Variants in GPHN observed in about 807,000 individuals in gnomAD.
GPHN encodes the protein gephyrin.
A neutral mutation model predicts 95.5 loss-of-function variants in GPHN; 17 were observed. The ratio of observed to expected loss-of-function variants is 0.18; its 90% CI spans 0.12 to 0.27. The LOEUF is 0.27. Among genes scored for constraint, GPHN ranks in the 10% least tolerant of loss-of-function variants. GPHN has a pLI of 1.00. For synonymous variants in GPHN, 320 were observed against 322.5 expected (o/e 0.99, Z 0.08); for missense variants, 660 against 978.1 (o/e 0.67, Z 4.34).
the GPHN span, chr14:67,585,905 G>A: frequency 1.3e-6 from 2 of 1,576,654 alleles, no homozygotes; most frequent in East Asian, 2.2e-5. Flanking sequence ...CTAGCTCAGG[G>A]GACAGGTGGA....
At chr14:67,578,896 C>T in the GPHN span, among the ~76,000 whole-genome samples, 6 of 152,328 alleles carry the variant, frequency 3.9e-5, no homozygotes, top group South Asian at 1.2e-3. This position sits in a 1 kb window ranked among gnomAD's most constrained non-coding sequence, Gnocchi z 5.0. Flanking sequence ...CAAACTGTCC[C>T]CAAGTGCTAT....
intron 1 of GPHN, among the ~76,000 whole-genome samples, chr14:66,659,491 A>T (rs10150996): frequency 0.33 from 49,860 of 151,742 alleles, 12,010 homozygotes; most frequent in African/African-American, 0.66. Flanking sequence ...TGATTATATA[A>T]CTAGTTCTTT....
chr14:67,559,943 A>C, the GPHN span, among the ~76,000 whole-genome samples: 1 of 152,142 alleles, frequency 6.6e-6, no homozygotes, highest in East Asian at 1.9e-4. Context: ...AATGTGTCTC[A>C]CTTCTGAAAA....
intron 3 of GPHN, among the ~76,000 whole-genome samples, chr14:66,808,313 C>G (rs1360531313): frequency 2.0e-5 from 3 of 152,082 alleles, no homozygotes; most frequent in South Asian, 2.1e-4. Context: ...TCCATTTATT[C>G]TCCTCCTCGG....
chr14:66,659,048 T>C (rs942289262), intron 1 of GPHN, among the ~76,000 whole-genome samples: 1 of 151,970 alleles, frequency 6.6e-6, no homozygotes, highest in East Asian at 1.9e-4. Flanking sequence ...TTGAGACTTT[T>C]ACTGTTTTCA....
chr14:67,368,327 T>G, the GPHN span, among the ~76,000 whole-genome samples: 3 of 152,154 alleles, frequency 2.0e-5, no homozygotes, highest in African/African-American at 4.8e-5. Flanking sequence ...GCTTGGTGTA[T>G]GAGTTTATGG....
the GPHN span, among the ~76,000 whole-genome samples, chr14:67,389,420 C>T: frequency 2.0e-5 from 3 of 152,050 alleles, no homozygotes; most frequent in African/African-American, 4.8e-5. Context: ...GAGTAAAGTG[C>T]GGAACAAATT....
At chr14:67,628,811 G>A in the GPHN span, among the ~76,000 whole-genome samples, 10 of 152,250 alleles carry the variant, frequency 6.6e-5, no homozygotes, top group Non-Finnish European at 7.4e-5. Context: ...TATGGAAAAC[G>A]GTATGGCAAC....
the GPHN span, among the ~76,000 whole-genome samples, chr14:67,537,346 A>AAATAATAATAATAATAATAAT: frequency 1.1e-4 from 14 of 126,600 alleles, no homozygotes; most frequent in African/African-American, 1.6e-4. Context: ...TCCATCTCAA[A>AAATAATAATAATAATAATAAT]AATAATAATA....
intron 1 of GPHN, among the ~76,000 whole-genome samples, chr14:66,622,696 C>T (rs953104907): frequency 6.6e-6 from 1 of 152,118 alleles, no homozygotes; most frequent in African/African-American, 2.4e-5. Flanking sequence ...GGGGCAGGGG[C>T]AAAAAGCTGC....
At chr14:66,727,927 C>G (rs557597589) in intron 2 of GPHN, among the ~76,000 whole-genome samples, 2 of 152,114 alleles carry the variant, frequency 1.3e-5, no homozygotes, top group Non-Finnish European at 2.9e-5. Context: ...AGGAGGTCTT[C>G]GAGGCAGCCC....
intron 16 of GPHN, among the ~76,000 whole-genome samples, chr14:67,118,554 C>G (rs1291024930): frequency 6.6e-6 from 1 of 151,996 alleles, no homozygotes; most frequent in Non-Finnish European, 1.5e-5. Context: ...GGTGAAACCC[C>G]TACTCTACTA....
chr14:66,656,553 C>G (rs1008958083), intron 1 of GPHN, among the ~76,000 whole-genome samples: 27 of 152,074 alleles, frequency 1.8e-4, no homozygotes, highest in Admixed American at 1.8e-3. Context: ...TATGGCAATC[C>G]TGCATCAAGC....
chr14:67,199,979 C>T, the GPHN span: 1 of 1,141,800 alleles, frequency 8.8e-7, no homozygotes, highest in Non-Finnish European at 1.2e-6. Flanking sequence ...CCAGGGATGT[C>T]TCAGATGCAG....
At chr14:67,213,372 T>A in the GPHN span, among the ~76,000 whole-genome samples, 19,299 of 132,744 alleles carry the variant, frequency 0.15, 2,598 homozygotes, top group East Asian at 0.4. Flanking sequence ...TGTCCATGTG[T>A]TCTCATTGTT....
chr14:67,731,012 G>T, the GPHN span, among the ~76,000 whole-genome samples: 1 of 151,790 alleles, frequency 6.6e-6, no homozygotes, highest in Non-Finnish European at 1.5e-5. Flanking sequence ...TTTTTATATT[G>T]ATTGCATGCT....
chr14:67,381,263 C>CA, the GPHN span, among the ~76,000 whole-genome samples: 2 of 152,072 alleles, frequency 1.3e-5, no homozygotes, highest in Non-Finnish European at 2.9e-5. Flanking sequence ...CTCACAGTTA[C>CA]AAAAAAATGC....
chr14:66,756,520 A>G (rs945804941), intron 2 of GPHN, among the ~76,000 whole-genome samples: 12 of 152,228 alleles, frequency 7.9e-5, no homozygotes, highest in African/African-American at 2.9e-4. Context: ...CTCCATGGAT[A>G]TGGAGAGTCA....
rs560066934 is a variant in GPHN at position 67,111,798 on chromosome 14, G to T, written c.1414-63G>T. 364 of 1,204,230 alleles carry T rather than the reference G, an allele frequency of 3.0e-4. 3 individuals are homozygous for T. In the South Asian group the frequency reaches 3.1e-3, roughly 10 times the overall value. The allele number at this position is 1,204,230 out of a possible 1,614,324, so 74.6% of individuals were successfully genotyped here. A position where few individuals can be genotyped will look rare whatever the true frequency, so the allele number is the denominator to read the frequency against. On this transcript the variant is annotated intron_variant, in intron 14 of 22. Transcript: ENST00000478722. ...GGCCTATCTGATGGTAAAAGTATCG[G>T]AGTAACTAAATTCTACTGCTCAGAA... is the stretch of plus-strand genomic sequence containing the variant.
Sources: gnomAD v4.1 joint callset for allele counts (sites outside exome capture counted in the v4.1 genomes callset) on GRCh38, gnomAD v4.1.1 for gene constraint, Gnocchi (gnomAD v3.1) non-coding constraint, MANE v1.5 for transcripts, NCBI Gene and HGNC (gene_info 2026-07-23, HGNC 2026-07-21) for gene names.